Variants in CTXND1 observed in about 807,000 individuals in gnomAD.
CTXND1 encodes the protein cortexin domain containing 1.
intron 1 of CTXND1, among the ~76,000 whole-genome samples, chr15:80,219,745 A>G (rs1469519760): frequency 6.6e-6 from 1 of 152,176 alleles, no homozygotes; most frequent in Non-Finnish European, 1.5e-5. Context: ...GTATGTCATT[A>G]TGGATTTAAT....
intron 1 of CTXND1, among the ~76,000 whole-genome samples, chr15:80,251,006 A>C (rs555077753): frequency 2.0e-5 from 3 of 152,328 alleles, no homozygotes; most frequent in Non-Finnish European, 4.4e-5. Flanking sequence ...GTTAATCCAG[A>C]AACTCGAATC....
intron 1 of CTXND1, among the ~76,000 whole-genome samples, chr15:80,222,330 C>T (rs2142130756): frequency 6.6e-6 from 1 of 152,206 alleles, no homozygotes; most frequent in East Asian, 1.9e-4. Flanking sequence ...TCAACATACC[C>T]CCCCTTTTTG....
chr15:80,202,102 T>C, intron 2 of CTXND1, 88 bp from the exon 3 acceptor site: 2 of 396,418 alleles, frequency 5.0e-6, no homozygotes, highest in Non-Finnish European at 4.4e-6. Flanking sequence ...CTCCCTCTTA[T>C]CTGCTACCCC....
chr15:80,231,613 C>T (rs1048469739), intron 1 of CTXND1, among the ~76,000 whole-genome samples: 1 of 152,070 alleles, frequency 6.6e-6, no homozygotes, highest in Admixed American at 6.5e-5. Flanking sequence ...GGCTATTATT[C>T]TGCTGTATAA....
chr15:80,241,406 C>G (rs1325798171), intron 1 of CTXND1, among the ~76,000 whole-genome samples: 1 of 152,178 alleles, frequency 6.6e-6, no homozygotes, highest in Non-Finnish European at 1.5e-5. Flanking sequence ...TTCAACAGAC[C>G]TTTCTATGTC....
chr15:80,216,705 C>A (rs1415716878), intron 1 of CTXND1, among the ~76,000 whole-genome samples: 2 of 152,072 alleles, frequency 1.3e-5, no homozygotes, highest in Non-Finnish European at 2.9e-5. Flanking sequence ...AACTCTGCCT[C>A]CTGGGTTCAA....
intron 1 of CTXND1, among the ~76,000 whole-genome samples, chr15:80,249,351 A>G (rs748478555): frequency 1.6e-4 from 25 of 152,154 alleles, no homozygotes; most frequent in Non-Finnish European, 3.1e-4. Flanking sequence ...TGGGATTCTA[A>G]CGGGACAAGG....
chr15:80,204,647 G>GTGTATATATA (rs1399579470), intron 1 of CTXND1, among the ~76,000 whole-genome samples: 3 of 131,398 alleles, frequency 2.3e-5, no homozygotes, highest in South Asian at 5.3e-4. Flanking sequence ...ATATTCCATT[G>GTGTATATATA]TATATATATA....
chr15:80,249,874 C>G (rs760015318), intron 1 of CTXND1, among the ~76,000 whole-genome samples: 1 of 152,210 alleles, frequency 6.6e-6, no homozygotes, highest in African/African-American at 2.4e-5. Context: ...CTTAAGCTAT[C>G]TAAAAAATTT....
intron 1 of CTXND1, among the ~76,000 whole-genome samples, chr15:80,213,278 T>C (rs1421999313): frequency 6.6e-6 from 1 of 152,156 alleles, no homozygotes; most frequent in Non-Finnish European, 1.5e-5. Flanking sequence ...ATGAGGTGAA[T>C]ATATGTAGCA....
chr15:80,230,623 A>C (rs1358379785), intron 1 of CTXND1, among the ~76,000 whole-genome samples: 1 of 151,996 alleles, frequency 6.6e-6, no homozygotes, highest in African/African-American at 2.4e-5. Flanking sequence ...CTAAGTTGGA[A>C]GCTTACATCA....
Position 80,201,798 on chromosome 15 carries a change from G to A in CTXND1, c.152C>T (p.Thr51Ile), listed in dbSNP as rs1372627458. Residue 51 changes from threonine to isoleucine, a missense_variant, in exon 3 of 3, where the codon ACC becomes ATC. Thr to Ile is a moderately conservative substitution (Grantham distance 89). Transcript: ENST00000560778. ...MDPYSAIPTSTWEEQHLDD is the reference protein window; with the variant it reads ...MDPYSAIPTSIWEEQHLDD Reference sequence around the variant, plus strand: ...GTCGTCCAGGTGCTGCTCCTCCCAGGTGGATGTGGGGATGGCGCTGTAAGG... The same window carrying A: ...GTCGTCCAGGTGCTGCTCCTCCCAGATGGATGTGGGGATGGCGCTGTAAGG... The A allele has an allele frequency of 7.5e-6, 3 of 398,898 alleles. No individual in the cohort carries two copies. Among genetic ancestry groups the A allele is most frequent in the Admixed American group, 4.4e-5 (1 of 22,746 alleles). The allele number at this position is 398,898 out of a possible 1,614,324, so 24.7% of individuals were successfully genotyped here.
intron 1 of CTXND1, among the ~76,000 whole-genome samples, chr15:80,249,984 G>C (rs1396476199): frequency 6.6e-6 from 1 of 152,126 alleles, no homozygotes; most frequent in Admixed American, 6.5e-5. Context: ...CCTCAGTCTA[G>C]GAACCATGTC....
chr15:80,246,262 G>C (rs1363161656), intron 1 of CTXND1, among the ~76,000 whole-genome samples: 1 of 152,194 alleles, frequency 6.6e-6, no homozygotes, highest in Non-Finnish European at 1.5e-5. Context: ...TATAAAGGTG[G>C]AAAAAATACT....
intron 1 of CTXND1, among the ~76,000 whole-genome samples, chr15:80,210,151 C>T (rs1893190381): frequency 6.6e-6 from 1 of 152,184 alleles, no homozygotes; most frequent in Non-Finnish European, 1.5e-5. Context: ...ACCTTTTCTT[C>T]CACTGGCCTC....
chr15:80,211,155 G>A (rs530775831), intron 1 of CTXND1, among the ~76,000 whole-genome samples: 15 of 152,322 alleles, frequency 9.8e-5, no homozygotes, highest in African/African-American at 3.1e-4. Context: ...CTGTTAGGCC[G>A]GCTCACAGTA....
chr15:80,241,389 G>GCCTTTGTTC (rs1305005809), intron 1 of CTXND1, among the ~76,000 whole-genome samples: 94 of 152,246 alleles, frequency 6.2e-4, no homozygotes, highest in Non-Finnish European at 7.8e-4. Context: ...CCCTTTTCAT[G>GCCTTTGTTC]ACTTTGTTCA....
rs1165382541 is a variant in CTXND1 at position 80,200,595 on chromosome 15, C to T, written c.*1175G>A. On this transcript the variant is annotated 3_prime_UTR_variant, in exon 3 of 3. Coordinates refer to ENST00000560778, the MANE Select transcript of CTXND1 (RefSeq NM_001352888.2). ...TAGCACATTCATAGTATATTCACTC[C>T]CCTTTCTGTCCTTTCGTTCACATGA... 3 of 152,130 alleles carry T rather than the reference C, an allele frequency of 2.0e-5. No homozygotes were observed. The highest frequency in any genetic ancestry group is 2.9e-5 in the Non-Finnish European group (2 of 68,032). 9.4% of individuals were successfully genotyped at this position (152,130 alleles called of 1,614,324 possible). A position where few individuals can be genotyped will look rare whatever the true frequency, so the allele number is the denominator to read the frequency against.
chr15:80,220,940 G>A (rs754500375), intron 1 of CTXND1, among the ~76,000 whole-genome samples: 4 of 146,412 alleles, frequency 2.7e-5, no homozygotes, highest in Admixed American at 1.4e-4. Context: ...ACAGAGTCTC[G>A]CTCTGTCGCC....
Sources: gnomAD v4.1 joint callset for allele counts (sites outside exome capture counted in the v4.1 genomes callset) on GRCh38, gnomAD v4.1.1 for gene constraint, MANE v1.5 for transcripts, NCBI Gene and HGNC (gene_info 2026-07-23, HGNC 2026-07-21) for gene names.